HCN1: variants seen among roughly 807,000 people sequenced by gnomAD.
HCN1 encodes the protein potassium/sodium hyperpolarization-activated cyclic nucleotide-gated channel 1.
In HCN1, 13 loss-of-function variants were observed where a neutral mutation model predicts 78.9. The observed-to-expected ratio is 0.16, with a 90% CI of 0.11 to 0.26. The LOEUF (loss-of-function observed/expected upper bound fraction) is 0.26. Among genes scored for constraint, HCN1 ranks in the 10% least tolerant of loss-of-function variants. The probability of loss-of-function intolerance (pLI) is 1.00; values close to 1 mark genes in which losing one functional copy is unlikely to be tolerated. For missense variants in HCN1, 810 were observed against 1,154.3 expected, an observed-to-expected ratio of 0.70 and a Z score of 4.32; for synonymous variants, 552 against 455.5, an observed-to-expected ratio of 1.21 and a Z score of -2.70.
At chr5:45,610,620 T>G (rs1241673679) in intron 2 of HCN1, among the ~76,000 whole-genome samples, 2 of 150,366 alleles carry the variant, frequency 1.3e-5, no homozygotes, top group East Asian at 1.9e-4. Context: ...GGTGAAATAT[T>G]TTTCTTAATT....
chr5:45,403,431 C>A (rs1739862240), intron 3 of HCN1, among the ~76,000 whole-genome samples: 1 of 152,102 alleles, frequency 6.6e-6, no homozygotes, highest in Admixed American at 6.6e-5. Context: ...GCCGGGGATG[C>A]CTCAGGAAAC....
Position 45,554,647 on chromosome 5 carries a change from G to A in HCN1, c.849+90538C>T, listed in dbSNP as rs74962453. 1.8e-3 allele frequency among the ~76,000 whole-genome samples: 266 copies of A among 151,658 alleles called. 5 individuals carry two copies. The East Asian group carries it at 0.019, about 11-fold the overall frequency. On this transcript the variant is annotated intron_variant, in intron 2 of 7. Coordinates refer to ENST00000303230, the MANE Select transcript of HCN1 (RefSeq NM_021072.4). ...CCCTACAGCCTAATCCAACCTGTGG[G>A]GATTCAGGATAATACTTAAGGCAAG...
At chr5:45,338,730 T>C (rs1160432856) in intron 5 of HCN1, among the ~76,000 whole-genome samples, 1 of 152,186 alleles carries the variant, frequency 6.6e-6, no homozygotes, top group South Asian at 2.1e-4. Context: ...AGACATTTTT[T>C]GTAATCTATC....
intron 2 of HCN1, among the ~76,000 whole-genome samples, chr5:45,567,035 T>C (rs1472916547): frequency 1.3e-5 from 2 of 152,202 alleles, no homozygotes; most frequent in Non-Finnish European, 2.9e-5. Context: ...TTCAAGTTCA[T>C]GAAATGTTTT....
At chr5:45,385,739 T>A (rs1303224780) in intron 4 of HCN1, among the ~76,000 whole-genome samples, 1 of 152,226 alleles carries the variant, frequency 6.6e-6, no homozygotes, top group African/African-American at 2.4e-5. Context: ...CAATTAAATA[T>A]AAAATGTAAG....
At chr5:45,299,554 CA>C in intron 6 of HCN1, among the ~76,000 whole-genome samples, 1 of 151,852 alleles carries the variant, frequency 6.6e-6, no homozygotes, top group Non-Finnish European at 1.5e-5. Flanking sequence ...GCATTGGCAT[CA>C]AATTTTTTTA....
At chr5:45,375,374 A>G (rs1307740495) in intron 4 of HCN1, among the ~76,000 whole-genome samples, 1 of 125,896 alleles carries the variant, frequency 7.9e-6, no homozygotes, top group Non-Finnish European at 1.6e-5. Context: ...TATACAATAT[A>G]TATAATATAA....
rs572653624 is a variant in HCN1 at position 45,345,288 on chromosome 5, G to C, written c.1377+7812C>G. On this transcript the variant is annotated intron_variant, in intron 5 of 7. Transcript: ENST00000303230. Reference sequence around the variant, plus strand: ...ACTATTTTTTCCCCCTAGACCTCCAGGTCTGTGATGGGAGGGGCTAATGGG... The same window carrying C: ...ACTATTTTTTCCCCCTAGACCTCCACGTCTGTGATGGGAGGGGCTAATGGG... Among the ~76,000 whole-genome samples the C allele has an allele frequency of 8.5e-5, 13 of 152,236 alleles. No homozygotes were observed. In the South Asian group the frequency reaches 2.7e-3, roughly 32 times the overall value.
chr5:45,515,845 A>G (rs1742508104), intron 2 of HCN1, among the ~76,000 whole-genome samples: 1 of 151,974 alleles, frequency 6.6e-6, no homozygotes, highest in Non-Finnish European at 1.5e-5. Context: ...AAAAATGTCA[A>G]AATTATCCCA....
chr5:45,477,032 G>A (rs189814167), intron 2 of HCN1, among the ~76,000 whole-genome samples: 42 of 152,076 alleles, frequency 2.8e-4, no homozygotes, highest in Middle Eastern at 3.4e-3. Context: ...CAAGGCATAC[G>A]TAGATGAGTT....
intron 2 of HCN1, among the ~76,000 whole-genome samples, chr5:45,550,151 A>AT (rs1480417267): frequency 6.6e-6 from 1 of 152,152 alleles, no homozygotes; most frequent in Non-Finnish European, 1.5e-5. Context: ...TTACTGGTAT[A>AT]TACCCAAAGG....
intron 2 of HCN1, among the ~76,000 whole-genome samples, chr5:45,469,389 A>G (rs1741341900): frequency 6.6e-6 from 1 of 151,994 alleles, no homozygotes. Flanking sequence ...TCTAAAAAAC[A>G]GACTAAAATT....
intron 6 of HCN1, among the ~76,000 whole-genome samples, chr5:45,301,840 A>C (rs1361868709): frequency 6.6e-6 from 1 of 152,082 alleles, no homozygotes; most frequent in Non-Finnish European, 1.5e-5. Context: ...TTAAATCAAC[A>C]ATAATGAGGA....
In HCN1 at chr5:45,372,484, CATTTACATATAAAAATA is replaced by C; in HGVS notation, c.1231-19255_1231-19239del. Among the ~76,000 whole-genome samples the C allele has an allele frequency of 1.4e-4, 17 of 119,712 alleles. No homozygotes were observed. The South Asian group carries it at 4.3e-3, about 30-fold the overall frequency. The allele number at this position is 119,712 out of a possible 152,430, so 78.5% of individuals were successfully genotyped here. A position where few individuals can be genotyped will look rare whatever the true frequency, so the allele number is the denominator to read the frequency against. Reference sequence around the variant, plus strand: ...CATTTACATATAAAAATATATAAAACATTTACATATAAAAATATATAAAACATTTACATATAAAAATA... The same window carrying C: ...CATTTACATATAAAAATATATAAAACTATAAAACATTTACATATAAAAATA... On this transcript the variant is annotated intron_variant, in intron 4 of 7. Transcript: ENST00000303230.
chr5:45,361,336 C>A (rs1261515759), intron 4 of HCN1, among the ~76,000 whole-genome samples: 2 of 152,094 alleles, frequency 1.3e-5, no homozygotes, highest in African/African-American at 4.8e-5. Flanking sequence ...CCACCACGCC[C>A]AGCTAATTGT....
At chr5:45,421,382 CA>C (rs1264552292) in intron 3 of HCN1, among the ~76,000 whole-genome samples, 2 of 151,928 alleles carry the variant, frequency 1.3e-5, no homozygotes, top group East Asian at 3.9e-4. Flanking sequence ...TTTTTAACAA[CA>C]AAAAAACTAG....
At chr5:45,308,231 A>T (rs1365601141) in intron 5 of HCN1, among the ~76,000 whole-genome samples, 2 of 152,118 alleles carry the variant, frequency 1.3e-5, no homozygotes, top group African/African-American at 4.8e-5. Context: ...TCCTCACTAG[A>T]AACAGATGCT....
chr5:45,420,800 AT>A (rs1740210883), intron 3 of HCN1, among the ~76,000 whole-genome samples: 1 of 152,110 alleles, frequency 6.6e-6, no homozygotes, highest in African/African-American at 2.4e-5. Flanking sequence ...TCTACTTCCC[AT>A]TTTTAGTCAT....
At chr5:45,647,642 C>T (rs1003264821) in intron 1 of HCN1, among the ~76,000 whole-genome samples, 3 of 152,126 alleles carry the variant, frequency 2.0e-5, no homozygotes, top group African/African-American at 7.2e-5. Context: ...TCCTCATAAT[C>T]AGTAGCCCGT....
Sources: allele counts gnomAD v4.1 joint callset (sites outside exome capture counted in the v4.1 genomes callset), GRCh38; gene constraint gnomAD v4.1.1; transcripts MANE v1.5; gene names NCBI Gene and HGNC (gene_info 2026-07-23, HGNC 2026-07-21).